ZNF182: variants seen among roughly 807,000 people sequenced by gnomAD.
ZNF182 encodes the protein zinc finger protein 182, also known as zinc finger protein 21 (KOX 14).
In ZNF182, 10 loss-of-function variants were observed where a neutral mutation model predicts 28.1. The observed-to-expected ratio is 0.36, with a 90% CI of 0.22 to 0.60. The LOEUF (loss-of-function observed/expected upper bound fraction) is 0.60, where lower values mean the gene tolerates loss of function less well. Among genes scored for constraint, ZNF182 ranks in the 20% least tolerant of loss-of-function variants. ZNF182 has a pLI of 0.75. For missense variants in ZNF182, 352 were observed against 453.2 expected (o/e 0.78, Z 2.03); for synonymous variants, 156 against 158.7 (o/e 0.98, Z 0.13).
At chrX:48,002,465 CT>C (rs2058981305) in intron 3 of ZNF182, 129 bp downstream of exon 3, 5 of 968,205 alleles carry the variant, frequency 5.2e-6, no homozygotes, top group Non-Finnish European at 5.8e-6. Flanking sequence ...TGGCCTTGAT[CT>C]GTTGTCTCTT....
rs1193257521 is a variant in ZNF182 at position 48,003,685 on chromosome X, TA to T, written c.-223del. ...GGTCTGAGGGATGCGCATGAACCTT[TA>T]GGGGCAGGTCACTGTGCTGGAAAAC... On this transcript the variant is annotated 5_prime_UTR_variant, in exon 2 of 6. Transcript: ENST00000376943. The T allele has an allele frequency of 8.9e-6, 1 of 112,138 alleles. No individual in the cohort carries two copies. Among genetic ancestry groups the T allele is most frequent in the African/African-American group, 3.2e-5 (1 of 30,833 alleles). The allele number at this position is 112,138 out of a possible 1,213,427, so 9.2% of individuals were successfully genotyped here. A position where few individuals can be genotyped will look rare whatever the true frequency, so the allele number is the denominator to read the frequency against.
rs782684310 is a variant in ZNF182 at position 47,979,682 on chromosome X, A to G, written c.233-1885T>C. Among the ~76,000 whole-genome samples, 7 of 111,422 alleles carry G rather than the reference A, an allele frequency of 6.3e-5. No homozygotes were observed. The East Asian group carries it at 1.4e-3, about 22-fold the overall frequency. Reference sequence around the variant, plus strand: ...TATGACTTTTAAGAATCACCACATTACTGTAAAAAGAAAGAGTATATTTAT... The same window carrying G: ...TATGACTTTTAAGAATCACCACATTGCTGTAAAAAGAAAGAGTATATTTAT... On this transcript the variant is annotated intron_variant, in intron 5 of 5. Coordinates refer to ENST00000376943, the MANE Select transcript of ZNF182 (RefSeq NM_001007088.2).
intron 3 of ZNF182, among the ~76,000 whole-genome samples, chrX:47,995,367 A>G (rs1270028077): frequency 8.9e-6 from 1 of 112,089 alleles, no homozygotes; most frequent in African/African-American, 3.2e-5. Flanking sequence ...AAATTTTGAA[A>G]CTGAAAAAGA....
In ZNF182 at chrX:47,984,944, C is replaced by G. The variant is rs1320829881; in HGVS notation, c.16-1533G>C. ...AACCACAATGAGATACTACTACACA[C>G]CTATTAGAATGGGGAAAAAACTGAC... On this transcript the variant is annotated intron_variant, in intron 3 of 5. Transcript: ENST00000376943. Among the ~76,000 whole-genome samples, 3 of 111,488 alleles carry G rather than the reference C, an allele frequency of 2.7e-5. No homozygotes were observed. The East Asian group carries it at 8.4e-4, about 31-fold the overall frequency.
rs1457761138 is a variant in ZNF182, at chrX:47,975,513, C to A, written c.*654G>T. 18 of 102,337 alleles carry A rather than the reference C, an allele frequency of 1.8e-4. No homozygotes were observed. Among genetic ancestry groups the A allele is most frequent in the African/African-American group, 7.4e-4 (18 of 24,361 alleles). 8.4% of individuals were successfully genotyped at this position (102,337 alleles called of 1,213,427 possible). ...AACCAGGGCCACATTCTAAGCAGAT[C>A]AGTTTTTTTTTTTTTTGACAACTGA... On this transcript the variant is annotated 3_prime_UTR_variant, in exon 6 of 6. Coordinates refer to ENST00000376943, the MANE Select transcript of ZNF182 (RefSeq NM_001007088.2).
chrX:47,989,231 C>A, intron 3 of ZNF182, among the ~76,000 whole-genome samples: 1 of 110,638 alleles, frequency 9.0e-6, no homozygotes, highest in East Asian at 2.8e-4. Context: ...AGTTCAAGAC[C>A]AGCCTGGCCA....
chrX:47,977,403 T>C lies in ZNF182; in HGVS notation c.627A>G (p.Lys209=). 1 of 1,207,793 alleles carries C rather than the reference T, an allele frequency of 8.3e-7. No individual in the cohort carries two copies. The highest frequency in any genetic ancestry group is 1.8e-5 in the South Asian group (1 of 55,848). Reference sequence around the variant, plus strand: ...TACATTCAAAGGGTTTCTCTCCATTTTTAATTCTCTGATGTAGACTAAGGC... The same window carrying C: ...TACATTCAAAGGGTTTCTCTCCATTCTTAATTCTCTGATGTAGACTAAGGC... ...KKGLSLHQRI[K]NGEKPFECTA... Residue 209 remains lysine (K), a synonymous_variant, in exon 6 of 6, where the codon AAA becomes AAG. Transcript: ENST00000376943.
At chrX:47,980,264 A>T (rs1556898935) in intron 5 of ZNF182, among the ~76,000 whole-genome samples, 1 of 111,419 alleles carries the variant, frequency 9.0e-6, no homozygotes, top group Admixed American at 9.6e-5. Context: ...TCATAGAAGT[A>T]GAGAGTAGAA....
chrX:47,991,052 C>A (rs1325500041), intron 3 of ZNF182, among the ~76,000 whole-genome samples: 1 of 111,380 alleles, frequency 9.0e-6, no homozygotes, highest in East Asian at 2.8e-4. Flanking sequence ...TGAATTATGT[C>A]CCCCCAAAAT....
intron 3 of ZNF182, among the ~76,000 whole-genome samples, chrX:47,999,791 C>T (rs1285652671): frequency 3.6e-5 from 4 of 112,285 alleles, no homozygotes; most frequent in Non-Finnish European, 7.5e-5. Flanking sequence ...TAGACATTTA[C>T]CAAAACATCC....
intron 3 of ZNF182, among the ~76,000 whole-genome samples, chrX:47,999,091 A>C (rs1326139247): frequency 9.0e-6 from 1 of 111,340 alleles, no homozygotes; most frequent in Admixed American, 9.6e-5. Context: ...AAAAAGAAGG[A>C]AATTCAGGCC....
rs781925118 is a variant in ZNF182, at chrX:47,976,142, A to G, written c.*25T>C. On this transcript the variant is annotated 3_prime_UTR_variant, in exon 6 of 6. Transcript: ENST00000376943. The stretch of plus-strand genomic sequence containing the variant: ...TTGACACAACTTTCTTTCAGTGTCC[A>G]TAATAGATACTGCTGATTAGCTCTC... 5 of 1,118,866 alleles carry G rather than the reference A, an allele frequency of 4.5e-6. No individual in the cohort carries two copies. Among genetic ancestry groups the G allele is most frequent in the African/African-American group, 1.8e-5 (1 of 54,888 alleles). The allele number at this position is 1,118,866 out of a possible 1,213,427, so 92.2% of individuals were successfully genotyped here. A position where few individuals can be genotyped will look rare whatever the true frequency, so the allele number is the denominator to read the frequency against.
rs141654234 is a variant in ZNF182, at chrX:47,984,219, T to C, written c.16-808A>G. 9.9e-5 allele frequency among the ~76,000 whole-genome samples: 11 copies of C among 111,567 alleles called. 1 individual carries two copies. The highest frequency in any genetic ancestry group is 9.5e-4 in the Admixed American group (10 of 10,496). On this transcript the variant is annotated intron_variant, in intron 3 of 5. Coordinates refer to ENST00000376943, the MANE Select transcript of ZNF182 (RefSeq NM_001007088.2). The stretch of plus-strand genomic sequence containing the variant: ...CAGGTAAGTGAAAAATTAAGCCACA[T>C]TGAGACACCACTATACACCCACAAG...
At chrX:47,998,364 A>G (rs2058966552) in intron 3 of ZNF182, among the ~76,000 whole-genome samples, 1 of 112,211 alleles carries the variant, frequency 8.9e-6, no homozygotes, top group African/African-American at 3.2e-5. Context: ...CACGCAAAGG[A>G]TAATGTGTTC....
chrX:47,998,633 G>A (rs1556901454), intron 3 of ZNF182, among the ~76,000 whole-genome samples: 1 of 111,837 alleles, frequency 8.9e-6, no homozygotes, highest in African/African-American at 3.2e-5. Flanking sequence ...GAGGCGGGTG[G>A]GTCACCTGAG....
intron 3 of ZNF182, among the ~76,000 whole-genome samples, chrX:47,990,454 T>C (rs782784850): frequency 1.8e-5 from 2 of 110,946 alleles, no homozygotes; most frequent in Non-Finnish European, 3.8e-5. Context: ...ACTCTCAAAC[T>C]GTCACCCCCA....
rs2058912748 is a variant in ZNF182 at position 47,983,336 on chromosome X, T to C, written c.91A>G (p.Thr31Ala). 1 of 1,209,111 alleles carries C rather than the reference T, an allele frequency of 8.3e-7. No individual in the cohort carries two copies. Among genetic ancestry groups the C allele is most frequent in the South Asian group, 1.8e-5 (1 of 56,765 alleles). Residue 31 changes from threonine (T) to alanine (A), a missense_variant, in exon 4 of 6, where the codon ACC (threonine) becomes GCC (alanine). Coordinates refer to ENST00000376943, the MANE Select transcript of ZNF182 (RefSeq NM_001007088.2). ...EWQYLNPPQR[T>A]LYRDVMLETY... The stretch of plus-strand genomic sequence containing the variant: ...TCCAGCATCACGTCTCTGTACAGGG[T>C]CCTCTGTGGTGGGTTCAGGTACTGC...
intron 3 of ZNF182, chrX:47,988,501 C>G (rs1556900042): frequency 2.1e-6 from 1 of 481,043 alleles, no homozygotes. Context: ...CACTCTTGCT[C>G]CCACTCTTGC....
intron 3 of ZNF182, among the ~76,000 whole-genome samples, chrX:48,002,029 T>G (rs1423856150): frequency 8.9e-6 from 1 of 112,163 alleles, no homozygotes; most frequent in Non-Finnish European, 1.9e-5. Context: ...GCTGCAGGTA[T>G]CTGAAAAAAT....
Sources: gnomAD v4.1 joint callset for allele counts (sites outside exome capture counted in the v4.1 genomes callset) on GRCh38, gnomAD v4.1.1 for gene constraint, MANE v1.5 for transcripts, NCBI Gene and HGNC (gene_info 2026-07-23, HGNC 2026-07-21) for gene names.